The following SBNO2 variants were observed in gnomAD, a reference collection of about 807,000 sequenced individuals.
The protein encoded by SBNO2 is protein strawberry notch homolog 2.
Under a neutral mutation model 146.3 loss-of-function variants are expected in SBNO2, and 89 were observed. The observed-to-expected ratio is 0.61, with a 90% CI of 0.51 to 0.73. The LOEUF (loss-of-function observed/expected upper bound fraction) is 0.73. SBNO2 is among the 30% of genes least tolerant of loss of function. SBNO2 has a pLI of 0.00. For missense variants in SBNO2, 2,092 were observed against 2,003.7 expected, an observed-to-expected ratio of 1.04 and a Z score of -0.84; for synonymous variants, 1,147 against 892.6, an observed-to-expected ratio of 1.29 and a Z score of -5.08.
At position 1,157,492 on chromosome 19, in the gene SBNO2, G is replaced by A. The variant is rs1466631467; in HGVS notation, c.-126-3090C>T. The stretch of plus-strand genomic sequence containing the variant: ...GCCACGGGCCAGCCAAACGTCCAGC[G>A]GGCAGCAGAGCGTGTCCCCTGCCTG... On this transcript the variant is annotated intron_variant, in intron 1 of 31. Coordinates refer to ENST00000361757, the MANE Select transcript of SBNO2 (RefSeq NM_014963.3). The surrounding 1 kb of genome is among the most constrained non-coding windows in gnomAD (Gnocchi z 6.8). Among the ~76,000 whole-genome samples, 1 of 152,126 alleles carries A rather than the reference G, an allele frequency of 6.6e-6. No homozygotes were observed. The highest frequency in any genetic ancestry group is 1.5e-5 in the Non-Finnish European group (1 of 68,018).
At chr19:1,163,941 T>A (rs1377465561) in intron 1 of SBNO2, among the ~76,000 whole-genome samples, 3 of 152,138 alleles carry the variant, frequency 2.0e-5, no homozygotes, top group African/African-American at 7.2e-5. Flanking sequence ...CCCACGTGCT[T>A]CTCTCACAGG....
Position 1,110,194 on chromosome 19 carries a change from C to T in SBNO2, c.3029-417G>A, listed in dbSNP as rs982555150. Among the ~76,000 whole-genome samples the T allele has an allele frequency of 5.3e-5, 8 of 152,078 alleles. No individual in the cohort carries two copies. Among genetic ancestry groups the T allele is most frequent in the African/African-American group, 1.7e-4 (7 of 41,390 alleles). On this transcript the variant is annotated intron_variant, in intron 26 of 31. Coordinates refer to ENST00000361757, the MANE Select transcript of SBNO2 (RefSeq NM_014963.3). This position sits in a 1 kb window ranked among gnomAD's most constrained non-coding sequence, Gnocchi z 4.9. ...GGGATCGTGGGAGCCTGGTTGGCTG[C>T]GGCACTGCTCATGAGTGAAGTAGCC...
intron 1 of SBNO2, among the ~76,000 whole-genome samples, chr19:1,164,183 G>A (rs959393178): frequency 1.4e-5 from 2 of 141,228 alleles, no homozygotes; most frequent in Non-Finnish European, 3.2e-5. Context: ...GGGGCCTTCC[G>A]GAGGGGCCAA....
At chr19:1,119,851 G>C in intron 12 of SBNO2, 55 bp downstream of exon 12, 1 of 1,365,234 alleles carries the variant, frequency 7.3e-7, no homozygotes, top group Non-Finnish European at 1.0e-6. Context: ...CGCGGGGACA[G>C]CCAGGCAGAA....
At chr19:1,139,527 G>A (rs868663851) in intron 4 of SBNO2, among the ~76,000 whole-genome samples, 3 of 152,178 alleles carry the variant, frequency 2.0e-5, no homozygotes, top group Non-Finnish European at 4.4e-5. Flanking sequence ...GGGCGTGGTG[G>A]CTCGCACCTG....
Position 1,114,292 on chromosome 19 carries a change from C to G in SBNO2, c.2016G>C (p.Glu672Asp). 1 of 1,553,138 alleles carries G rather than the reference C, an allele frequency of 6.4e-7. No individual in the cohort carries two copies. Among genetic ancestry groups the G allele is most frequent in the Non-Finnish European group, 8.7e-7 (1 of 1,148,396 alleles). ...GLDSDFNSSP[E>D]SLVDDDVVIV... ...TGACAACGTCGTCATCCACCAGGGA[C>G]TCGGGGGAGGAGTTGAAGTCGCTGT... The change falls in exon 18 of 32, where the codon GAG (glutamate) becomes GAC (aspartate). Residue 672 changes from glutamate (E) to aspartate (D), a missense_variant. Transcript: ENST00000361757.
Position 1,112,272 on chromosome 19 carries a change from C to T in SBNO2, c.2545G>A (p.Ala849Thr), listed in dbSNP as rs763565962. 1.0e-5 allele frequency: 16 copies of T among 1,590,632 alleles called. No homozygotes were observed. Among genetic ancestry groups the T allele is most frequent in the Non-Finnish European group, 4.3e-6 (5 of 1,169,296 alleles). Residue 849 changes from alanine to threonine, a missense_variant, in exon 22 of 32, where the codon GCG (alanine) becomes ACG (threonine). Transcript: ENST00000361757. This position sits in a 1 kb window ranked among gnomAD's most constrained non-coding sequence, Gnocchi z 5.9. ...GAGATGAGGAAGACATACTCTGGCG[C>T]GGAGACCTGGTTGGACCGGTGGGTG... ...GRTHRSNQVS[A>T]PEYVFLISEL...
chr19:1,171,509 A>G lies in SBNO2; in HGVS notation c.-127+2663T>C, dbSNP rs142439518. ...TGTTTACAGCTGTGGATTACATGAT[A>G]CCGCCCCCTTCCCAGAGCTGATCCC... is the stretch of plus-strand genomic sequence containing the variant. On this transcript the variant is annotated intron_variant, in intron 1 of 31. Coordinates refer to ENST00000361757, the MANE Select transcript of SBNO2 (RefSeq NM_014963.3). Among the ~76,000 whole-genome samples the G allele has an allele frequency of 4.6e-3, 694 of 152,060 alleles. 6 individuals are homozygous for G. The highest frequency in any genetic ancestry group is 0.016 in the African/African-American group (665 of 41,452).
At chr19:1,115,911 AT>A in intron 17 of SBNO2, 109 bp downstream of exon 17, 1 of 851,410 alleles carries the variant, frequency 1.2e-6, no homozygotes, top group South Asian at 1.4e-5. Context: ...CAGGACCTGC[AT>A]TTGGCTGAGT....
At chr19:1,161,801 C>T (rs953842772) in intron 1 of SBNO2, among the ~76,000 whole-genome samples, 8 of 150,954 alleles carry the variant, frequency 5.3e-5, no homozygotes, top group African/African-American at 1.5e-4. Context: ...GCCTCCCTGA[C>T]GCAGGTGGTG....
intron 1 of SBNO2, among the ~76,000 whole-genome samples, chr19:1,162,353 G>T (rs372108710): frequency 6.7e-6 from 1 of 148,854 alleles, no homozygotes; most frequent in Middle Eastern, 3.2e-3. Flanking sequence ...CCAGCTACTC[G>T]GGAGGCCGAG....
intron 13 of SBNO2, 92 bp downstream of exon 13, chr19:1,119,424 C>G (rs1360708700): frequency 9.6e-7 from 1 of 1,044,626 alleles, no homozygotes; most frequent in African/African-American, 1.6e-5. Flanking sequence ...GCTGGGGAAG[C>G]ACACGTGGCA....
In SBNO2 at chr19:1,140,257, G is replaced by T. The variant is rs1295479647; in HGVS notation, c.279+7052C>A. On this transcript the variant is annotated intron_variant, in intron 4 of 31. Coordinates refer to ENST00000361757, the MANE Select transcript of SBNO2 (RefSeq NM_014963.3). This position sits in a 1 kb window ranked among gnomAD's most constrained non-coding sequence, Gnocchi z 4.4. Reference sequence around the variant, plus strand: ...GTTGGTTGCAGTGAGCCGAGGTCACGCCACTGCACTCCAGCCTGGGCGACA... The same window carrying T: ...GTTGGTTGCAGTGAGCCGAGGTCACTCCACTGCACTCCAGCCTGGGCGACA... Among the ~76,000 whole-genome samples the T allele has an allele frequency of 2.0e-5, 3 of 150,658 alleles. No homozygotes were observed. The South Asian group carries it at 6.3e-4, about 31-fold the overall frequency.
At position 1,142,513 on chromosome 19, in the gene SBNO2, C is replaced by G. The variant is rs2080150888; in HGVS notation, c.279+4796G>C. Among the ~76,000 whole-genome samples the G allele has an allele frequency of 3.9e-5, 6 of 152,144 alleles. No individual in the cohort carries two copies. In the South Asian group the frequency reaches 1.2e-3, roughly 31 times the overall value. On this transcript the variant is annotated intron_variant, in intron 4 of 31. Transcript: ENST00000361757. ...TGGCCAATATGGTGAAACCCCGTCTCTACTAAAAATACAAAAATTAGCCAG... is the reference window on the plus strand; with the variant it reads ...TGGCCAATATGGTGAAACCCCGTCTGTACTAAAAATACAAAAATTAGCCAG...
intron 1 of SBNO2, among the ~76,000 whole-genome samples, chr19:1,171,328 GA>G (rs1347571637): frequency 6.6e-6 from 1 of 151,384 alleles, no homozygotes; most frequent in Non-Finnish European, 1.5e-5. Flanking sequence ...TGCACACAAA[GA>G]ATACACACAT....
rs997440391 is a variant in SBNO2, at chr19:1,108,553, C to T, written c.3768G>A (p.Val1256=). 45 of 1,243,808 alleles carry T rather than the reference C, an allele frequency of 3.6e-5. No individual in the cohort carries two copies. The African/African-American group carries it at 6.4e-4, about 18-fold the overall frequency. The allele number at this position is 1,243,808 out of a possible 1,614,324, so 77.0% of individuals were successfully genotyped here. Residue 1256 remains valine, a synonymous_variant, in exon 32 of 32, where the codon GTG becomes GTA. Transcript: ENST00000361757. ...PLALPCGPGE[V]LDLTYSPPAE... The stretch of plus-strand genomic sequence containing the variant: ...CCGGGGGGCTGTAGGTGAGGTCCAG[C>T]ACCTCTCCGGGGCCGCAAGGCAGCG...
chr19:1,116,810 TC>T lies in SBNO2; in HGVS notation c.1802+18del. The T allele has an allele frequency of 6.4e-7, 1 of 1,564,702 alleles. No homozygotes were observed. On this transcript the variant is annotated intron_variant, in intron 16 of 31. Transcript: ENST00000361757. ...TGAGCGCAGGAAGCCCACAGTCCTG[TC>T]CCCACCGTGACACTTACTCAGCGGC...
chr19:1,111,622 G>T lies in SBNO2; in HGVS notation c.2701-8C>A. 1 of 1,570,648 alleles carries T rather than the reference G, an allele frequency of 6.4e-7. No homozygotes were observed. The highest frequency in any genetic ancestry group is 2.3e-5 in the East Asian group (1 of 42,690). ...CAGGGCCCGGGTGCCATACTAGGGGGAGAAGGTGACTCGGGGAGGAGGCCC... is the reference window on the plus strand; with the variant it reads ...CAGGGCCCGGGTGCCATACTAGGGGTAGAAGGTGACTCGGGGAGGAGGCCC... On this transcript the variant is annotated splice_region_variant and splice_polypyrimidine_tract_variant and intron_variant, in intron 23 of 31. Coordinates refer to ENST00000361757, the MANE Select transcript of SBNO2 (RefSeq NM_014963.3).
rs1234081964 is a variant in SBNO2, at chr19:1,112,360, G to A, written c.2515+42C>T. On this transcript the variant is annotated intron_variant, in intron 21 of 31. Transcript: ENST00000361757. This position sits in a 1 kb window ranked among gnomAD's most constrained non-coding sequence, Gnocchi z 5.9. The stretch of plus-strand genomic sequence containing the variant: ...GCGGGGGCGGGGCCGAGACCATGTT[G>A]GGGGCGGGGCCAGGCAGCGCTGGGG... 2 of 1,570,784 alleles carry A rather than the reference G, an allele frequency of 1.3e-6. No individual in the cohort carries two copies. Among genetic ancestry groups the A allele is most frequent in the East Asian group, 4.6e-5 (2 of 43,158 alleles).
Sources: gnomAD v4.1 joint callset for allele counts (sites outside exome capture counted in the v4.1 genomes callset) on GRCh38, gnomAD v4.1.1 for gene constraint, Gnocchi (gnomAD v3.1) non-coding constraint, MANE v1.5 for transcripts, NCBI Gene and HGNC (gene_info 2026-07-23, HGNC 2026-07-21) for gene names.